Variants in IL1RAPL2 observed in about 807,000 individuals in gnomAD.
IL1RAPL2 encodes the protein interleukin 1 receptor accessory protein like 2.
Under a neutral mutation model 44.1 loss-of-function variants are expected in IL1RAPL2, and 3 were observed. That is an observed-to-expected ratio of 0.07 (90% CI 0.03 to 0.18). IL1RAPL2 has a LOEUF of 0.18. Among genes scored for constraint, IL1RAPL2 ranks in the 10% least tolerant of loss-of-function variants. IL1RAPL2 has a pLI of 1.00. For synonymous variants in IL1RAPL2, 181 were observed against 178.8 expected, an observed-to-expected ratio of 1.01 and a Z score of -0.10; for missense variants, 391 against 496.4, an observed-to-expected ratio of 0.79 and a Z score of 2.02.
intron 1 of IL1RAPL2, among the ~76,000 whole-genome samples, chrX:104,605,514 A>T (rs781687045): frequency 9.0e-6 from 1 of 111,696 alleles, no homozygotes; most frequent in Non-Finnish European, 1.9e-5. Context: ...CCTTCAAAAC[A>T]TCCATGAATC....
rs936344856 is a variant in IL1RAPL2, at chrX:104,778,481, G to A, written c.82+119486G>A. 4.2e-4 allele frequency among the ~76,000 whole-genome samples: 45 copies of A among 108,117 alleles called. 1 individual carries two copies. Among genetic ancestry groups the A allele is most frequent in the Non-Finnish European group, 7.3e-4 (38 of 52,334 alleles). 93.9% of individuals were successfully genotyped at this position (108,117 alleles called of 115,157 possible). The stretch of plus-strand genomic sequence containing the variant: ...AGGTTGAGGCAGGAGGATCGCTTGA[G>A]TCTGGGATGTCAAGGCTGCAGTGAG... On this transcript the variant is annotated intron_variant, in intron 2 of 10. Coordinates refer to ENST00000372582, the MANE Select transcript of IL1RAPL2 (RefSeq NM_017416.2).
chrX:105,707,025 C>T (rs764526397), intron 6 of IL1RAPL2, among the ~76,000 whole-genome samples: 5 of 111,417 alleles, frequency 4.5e-5, no homozygotes, highest in Non-Finnish European at 9.4e-5. Flanking sequence ...AGATTACATA[C>T]AATTCAAGAT....
chrX:105,571,957 G>GA (rs1322024340), intron 6 of IL1RAPL2, among the ~76,000 whole-genome samples: 7 of 108,032 alleles, frequency 6.5e-5, no homozygotes, highest in South Asian at 7.9e-4. Context: ...CTACTAAAGA[G>GA]AAAAAAAAAG....
chrX:105,343,762 A>C (rs1371832744), intron 5 of IL1RAPL2, among the ~76,000 whole-genome samples: 1 of 112,574 alleles, frequency 8.9e-6, no homozygotes, highest in Admixed American at 9.4e-5. Flanking sequence ...GTGTGCCTGG[A>C]AAGATACATA....
At chrX:104,872,617 A>T (rs751515667) in intron 2 of IL1RAPL2, among the ~76,000 whole-genome samples, 8 of 111,854 alleles carry the variant, frequency 7.2e-5, no homozygotes, top group Non-Finnish European at 1.3e-4. Context: ...AACCTCTGCT[A>T]GCTGGCTTAG....
chrX:105,075,120 A>T (rs1361073355), intron 2 of IL1RAPL2, among the ~76,000 whole-genome samples: 13 of 111,160 alleles, frequency 1.2e-4, no homozygotes, highest in East Asian at 1.1e-3. Flanking sequence ...GTCTTGTGCC[A>T]GTTTTCAAAG....
rs145334057 is a variant in IL1RAPL2 at position 105,323,690 on chromosome X, A to G, written c.697+56149A>G. Among the ~76,000 whole-genome samples the G allele has an allele frequency of 4.5e-3, 503 of 111,632 alleles. 12 individuals are homozygous for G. The highest frequency in any genetic ancestry group is 5.0e-3 in the Non-Finnish European group (265 of 53,131). ...GGAGGTTGAGACCAGCCTGGTGTCA[A>G]CCAGGTGAAACTCTGTCTCTACTAA... is the stretch of plus-strand genomic sequence containing the variant. On this transcript the variant is annotated intron_variant, in intron 5 of 10. Coordinates refer to ENST00000372582, the MANE Select transcript of IL1RAPL2 (RefSeq NM_017416.2).
chrX:105,261,309 T>C (rs774063667), intron 4 of IL1RAPL2, among the ~76,000 whole-genome samples: 1 of 112,125 alleles, frequency 8.9e-6, no homozygotes, highest in African/African-American at 3.2e-5. Context: ...CAAGTTGTTT[T>C]CTTGATTAGT....
intron 6 of IL1RAPL2, among the ~76,000 whole-genome samples, chrX:105,659,178 A>G (rs79425158): frequency 2.7e-5 from 3 of 110,024 alleles, no homozygotes; most frequent in African/African-American, 6.6e-5. Context: ...AAAACCACCA[A>G]CACCACCCGG....
At position 104,924,423 on chromosome X, in the gene IL1RAPL2, A is replaced by G. The variant is rs576242740; in HGVS notation, c.82+265428A>G. 1.5e-3 allele frequency among the ~76,000 whole-genome samples: 163 copies of G among 111,876 alleles called. 1 individual carries two copies. The highest frequency in any genetic ancestry group is 4.9e-3 in the African/African-American group (152 of 30,866). On this transcript the variant is annotated intron_variant, in intron 2 of 10. Coordinates refer to ENST00000372582, the MANE Select transcript of IL1RAPL2 (RefSeq NM_017416.2). ...CATTTTTCTCACCTGTGCATGGAAC[A>G]CTCTCGAAAATTGACCATATGCTTG...
intron 6 of IL1RAPL2, among the ~76,000 whole-genome samples, chrX:105,582,781 T>G (rs947680129): frequency 1.8e-5 from 2 of 110,624 alleles, no homozygotes; most frequent in African/African-American, 6.6e-5. Context: ...TCTGTTCTTA[T>G]AGTGAATTTC....
At chrX:104,842,397 G>A (rs1180661010) in intron 2 of IL1RAPL2, among the ~76,000 whole-genome samples, 7 of 110,712 alleles carry the variant, frequency 6.3e-5, no homozygotes, top group Admixed American at 2.9e-4. Flanking sequence ...CTGTCAATTC[G>A]TCAATCTCAT....
At chrX:105,326,227 A>T (rs772202044) in intron 5 of IL1RAPL2, among the ~76,000 whole-genome samples, 1 of 108,934 alleles carries the variant, frequency 9.2e-6, no homozygotes, top group African/African-American at 3.3e-5. Context: ...AATTTTTAAA[A>T]TTTTTTTTTG....
In IL1RAPL2 at chrX:105,306,225, A is replaced by G. The variant is rs536469169; in HGVS notation, c.697+38684A>G. Reference sequence around the variant, plus strand: ...CATATATATTAATAACATATACTACATAATGTGTATTTTTTTCAGAAAAAT... The same window carrying G: ...CATATATATTAATAACATATACTACGTAATGTGTATTTTTTTCAGAAAAAT... On this transcript the variant is annotated intron_variant, in intron 5 of 10. Coordinates refer to ENST00000372582, the MANE Select transcript of IL1RAPL2 (RefSeq NM_017416.2). 3.5e-4 allele frequency among the ~76,000 whole-genome samples: 39 copies of G among 111,607 alleles called. 1 individual carries two copies. The South Asian group carries it at 0.013, about 38-fold the overall frequency.
chrX:105,116,057 G>GTGCGCAGCCCTGGTTCCCGCC (rs1381672200), intron 2 of IL1RAPL2, among the ~76,000 whole-genome samples: 1 of 112,659 alleles, frequency 8.9e-6, no homozygotes, highest in Non-Finnish European at 1.9e-5. Flanking sequence ...CTGCAAGCGC[G>GTGCGCAGCCCTGGTTCCCGCC]TGCGCAGCCC....
At chrX:105,273,750 C>A (rs762685850) in intron 5 of IL1RAPL2, among the ~76,000 whole-genome samples, 1 of 111,874 alleles carries the variant, frequency 8.9e-6, no homozygotes, top group South Asian at 3.8e-4. Flanking sequence ...CTGAAGGCTC[C>A]TGTGTATACA....
intron 5 of IL1RAPL2, among the ~76,000 whole-genome samples, chrX:105,402,352 A>G (rs183744944): frequency 9.0e-6 from 1 of 111,705 alleles, no homozygotes; most frequent in African/African-American, 3.2e-5. Context: ...CACTTTCAGC[A>G]AGATAAGGAT....
chrX:104,609,930 A>G (rs948362920), intron 1 of IL1RAPL2, among the ~76,000 whole-genome samples: 5 of 111,451 alleles, frequency 4.5e-5, no homozygotes, highest in Non-Finnish European at 9.4e-5. Flanking sequence ...GAGAAGAGGC[A>G]TTCTGTTTTT....
At chrX:105,048,239 A>G (rs1055397857) in intron 2 of IL1RAPL2, among the ~76,000 whole-genome samples, 3 of 112,036 alleles carry the variant, frequency 2.7e-5, no homozygotes, top group Non-Finnish European at 5.6e-5. Flanking sequence ...ACAGGGGAAG[A>G]GTCCACTTAA....
Sources: gnomAD v4.1 joint callset for allele counts (sites outside exome capture counted in the v4.1 genomes callset) on GRCh38, gnomAD v4.1.1 for gene constraint, MANE v1.5 for transcripts, NCBI Gene and HGNC (gene_info 2026-07-23, HGNC 2026-07-21) for gene names.